ENTPD4: variants seen among roughly 807,000 people sequenced by gnomAD.
ENTPD4 encodes ectonucleoside triphosphate diphosphohydrolase 4.
Under a neutral mutation model 79.1 loss-of-function variants are expected in ENTPD4, and 60 were observed. The observed-to-expected ratio is 0.76, with a 90% confidence interval of 0.62 to 0.94. The LOEUF is 0.94. ENTPD4 is among the 40% of genes least tolerant of loss of function. The pLI, the probability that ENTPD4 is intolerant of heterozygous loss-of-function variation, is 0.00. For synonymous variants in ENTPD4, 276 were observed against 292.0 expected (o/e 0.95, Z 0.56); for missense variants, 772 against 775.1 (o/e 1.00, Z 0.05).
intron 1 of ENTPD4, among the ~76,000 whole-genome samples, chr8:23,457,041 G>A (rs1484509080): frequency 1.3e-5 from 2 of 152,190 alleles, no homozygotes; most frequent in Non-Finnish European, 2.9e-5. Flanking sequence ...AAAGGGGTCC[G>A]CGCATTACTC....
At chr8:23,438,259 G>A (rs1446640808) in intron 9 of ENTPD4, among the ~76,000 whole-genome samples, 1 of 152,136 alleles carries the variant, frequency 6.6e-6, no homozygotes, top group East Asian at 1.9e-4. Flanking sequence ...ACTGTTAAAG[G>A]GTTAAGCATG....
intron 3 of ENTPD4, 76 bp downstream of exon 3, chr8:23,448,666 C>T: frequency 8.2e-7 from 1 of 1,223,902 alleles, no homozygotes; most frequent in Non-Finnish European, 1.2e-6. Flanking sequence ...CTATGGAATT[C>T]TGTTCCAGCA....
At position 23,437,113 on chromosome 8, in the gene ENTPD4, T is replaced by C. The variant is rs773166801; in HGVS notation, c.1195A>G (p.Ile399Val). Residue 399 changes from isoleucine to valine, a missense_variant, in exon 10 of 13, where the codon ATC becomes GTC. Coordinates refer to ENST00000358689, the MANE Select transcript of ENTPD4 (RefSeq NM_004901.5). ...TTTGTTTTATTCATGAAAGGCTGGA[T>C]AGTCTCTCGACACAGGTCAAAGTCT... is the stretch of plus-strand genomic sequence containing the variant. ...TGDFDLCRET[I>V]QPFMNKTNET... 1.2e-6 allele frequency: 2 copies of C among 1,614,220 alleles called. No homozygotes were observed. Among genetic ancestry groups the C allele is most frequent in the African/African-American group, 1.3e-5 (1 of 75,060 alleles).
rs368799155 is a variant in ENTPD4, at chr8:23,447,710, G to C, written c.382C>G (p.Arg128Gly). The change falls in exon 4 of 13, where the codon CGA becomes GGA. Residue 128 changes from arginine (R) to glycine (G), a missense_variant. Coordinates refer to ENST00000358689, the MANE Select transcript of ENTPD4 (RefSeq NM_004901.5). ...LDIRQMRDKN[R>G]KPVVMKIKPG... Reference sequence around the variant, plus strand: ...TTTATCTTCATGACCACTGGCTTTCGGTTTTTATCCCTCATTTGCCTGATA... The same window carrying C: ...TTTATCTTCATGACCACTGGCTTTCCGTTTTTATCCCTCATTTGCCTGATA... 6 of 1,613,990 alleles carry C rather than the reference G, an allele frequency of 3.7e-6. No homozygotes were observed. The Admixed American group carries it at 1.0e-4, about 27-fold the overall frequency.
intron 3 of ENTPD4, 61 bp from the exon 4 acceptor site, chr8:23,447,946 G>A: frequency 1.4e-6 from 2 of 1,398,934 alleles, no homozygotes. Flanking sequence ...AAGTCTAACA[G>A]AGAAAATGCA....
In ENTPD4 at chr8:23,437,220, G is replaced by T. The variant is rs372875344; in HGVS notation, c.1088C>A (p.Pro363Gln). Reference protein sequence around the residue: ...GKQTGLTPDMPYLDPCLPLDI... With the variant: ...GKQTGLTPDMQYLDPCLPLDI... ...TAGGGGTAGGCAGGGGTCCAAGTAC[G>T]GCATATCAGGAGTCAGACCAGTCTG... The change falls in exon 10 of 13, where the codon CCG becomes CAG. Residue 363 changes from proline to glutamine, a missense_variant. Physicochemically the swap from Pro to Gln is moderately conservative, Grantham distance 76. Transcript: ENST00000358689. The T allele has an allele frequency of 1.5e-5, 24 of 1,613,460 alleles. No individual in the cohort carries two copies. The highest frequency in any genetic ancestry group is 1.9e-5 in the Non-Finnish European group (23 of 1,179,720).
At chr8:23,435,896 A>C (rs1387035800) in intron 10 of ENTPD4, among the ~76,000 whole-genome samples, 1 of 152,266 alleles carries the variant, frequency 6.6e-6, no homozygotes, top group Non-Finnish European at 1.5e-5. Flanking sequence ...CTTTAACAGA[A>C]GGGAAAGAGA....
chr8:23,436,845 C>T (rs2117279629), intron 10 of ENTPD4, 89 bp downstream of exon 10: 1 of 1,043,388 alleles, frequency 9.6e-7, no homozygotes, highest in Non-Finnish European at 1.4e-6. Flanking sequence ...TCCGTCTTTC[C>T]CTGTCAATGT....
In ENTPD4 at chr8:23,429,313, T is replaced by G. The variant is rs554346795; in HGVS notation, c.*3613A>C. On this transcript the variant is annotated 3_prime_UTR_variant, in exon 13 of 13. Transcript: ENST00000358689. Reference sequence around the variant, plus strand: ...AAGACATCGCTTAAACAAAAAACATTTAAAGATGCTCCCTTGCTTTTTATA... The same window carrying G: ...AAGACATCGCTTAAACAAAAAACATGTAAAGATGCTCCCTTGCTTTTTATA... 3.0e-6 allele frequency: 3 copies of G among 985,342 alleles called. No homozygotes were observed. In the South Asian group the frequency reaches 1.4e-4, roughly 46 times the overall value. 61.0% of individuals were successfully genotyped at this position (985,342 alleles called of 1,614,324 possible).
rs1233232490 is a variant in ENTPD4, at chr8:23,444,565, A to G, written c.454T>C (p.Tyr152His). Reference sequence around the variant, plus strand: ...GCAAAGTTCAAAAGTGGAGAAATGTAATCACTGACTTTCTCTGGAGAGGTA... The same window carrying G: ...GCAAAGTTCAAAAGTGGAGAAATGTGATCACTGACTTTCTCTGGAGAGGTA... Reference protein sequence around the residue: ...FATSPEKVSDYISPLLNFAAE... With the variant: ...FATSPEKVSDHISPLLNFAAE... The change falls in exon 5 of 13, where the codon TAC becomes CAC. Residue 152 changes from tyrosine (Y) to histidine (H), a missense_variant. Coordinates refer to ENST00000358689, the MANE Select transcript of ENTPD4 (RefSeq NM_004901.5). The G allele has an allele frequency of 2.5e-6, 4 of 1,614,042 alleles. No homozygotes were observed. Among genetic ancestry groups the G allele is most frequent in the Non-Finnish European group, 3.4e-6 (4 of 1,179,990 alleles).
chr8:23,451,271 C>T (rs1292029306), intron 1 of ENTPD4, among the ~76,000 whole-genome samples: 1 of 152,180 alleles, frequency 6.6e-6, no homozygotes, highest in East Asian at 1.9e-4. Context: ...CTGCCGGCCT[C>T]AGCCTCCCAA....
At chr8:23,434,028 A>C in intron 12 of ENTPD4, 1 of 383,026 alleles carries the variant, frequency 2.6e-6, no homozygotes, top group African/African-American at 2.0e-5. Context: ...AAAGGTTAAG[A>C]ACCCCGGAAC....
Position 23,431,056 on chromosome 8 carries a change from AG to A in ENTPD4, c.*1869del. 1 of 849,188 alleles carries A rather than the reference AG, an allele frequency of 1.2e-6. No individual in the cohort carries two copies. The highest frequency in any genetic ancestry group is 1.4e-6 in the Non-Finnish European group (1 of 705,668). The allele number at this position is 849,188 out of a possible 1,614,324, so 52.6% of individuals were successfully genotyped here. On this transcript the variant is annotated 3_prime_UTR_variant, in exon 13 of 13. Coordinates refer to ENST00000358689, the MANE Select transcript of ENTPD4 (RefSeq NM_004901.5). The stretch of plus-strand genomic sequence containing the variant: ...CCATGCCCCCACAGCTCTTGCCTCA[AG>A]GATCAGATGCATTTTACCTTCCAGA...
rs751602954 is a variant in ENTPD4, at chr8:23,443,881, A to G, written c.636T>C (p.Ser212=). ...PVHFDFLFSD[S]HAEVISGKQE... is the part of the protein sequence containing the mutation. ...GTTTCCCAGAAATTACTTCTGCATG[A>G]GAGTCAGAAAACAGAAAGTCAAAGT... Residue 212 remains serine, a synonymous_variant, in exon 6 of 13, where the codon TCT becomes TCC. Transcript: ENST00000358689. The G allele has an allele frequency of 3.7e-6, 6 of 1,613,234 alleles. No individual in the cohort carries two copies. Among genetic ancestry groups the G allele is most frequent in the Middle Eastern group, 1.6e-4 (1 of 6,080 alleles).
chr8:23,445,886 A>C (rs1380706940), intron 4 of ENTPD4, among the ~76,000 whole-genome samples: 1 of 152,248 alleles, frequency 6.6e-6, no homozygotes, highest in Non-Finnish European at 1.5e-5. Context: ...TTTAGCCTAC[A>C]ATATTAAAAA....
At chr8:23,447,559 A>G in intron 4 of ENTPD4, 121 bp downstream of exon 4, 1 of 782,710 alleles carries the variant, frequency 1.3e-6, no homozygotes, top group Non-Finnish European at 2.2e-6. Context: ...AAGGAGACCC[A>G]TCAGGTCCTG....
In ENTPD4 at chr8:23,434,332, C is replaced by T. The variant is rs1455876569; in HGVS notation, c.1607G>A (p.Arg536His). 10 of 1,614,046 alleles carry T rather than the reference C, an allele frequency of 6.2e-6. No individual in the cohort carries two copies. The highest frequency in any genetic ancestry group is 1.7e-5 in the Admixed American group (1 of 60,008). The change falls in exon 12 of 13, where the codon CGC becomes CAC. Residue 536 changes from arginine to histidine, a missense_variant. Coordinates refer to ENST00000358689, the MANE Select transcript of ENTPD4 (RefSeq NM_004901.5). The part of the protein sequence containing the change: ...WTLGAILYRT[R>H]FLPLRDIQQE... ...ACAGCCCTACCTTAATGGTAGAAAG[C>T]GGGTCCTGTAGAGGATGGCTCCAAG...
intron 4 of ENTPD4, among the ~76,000 whole-genome samples, chr8:23,447,400 A>G (rs1800780368): frequency 6.6e-6 from 1 of 152,236 alleles, no homozygotes; most frequent in African/African-American, 2.4e-5. Context: ...TCCATAATTA[A>G]TGCCAACCAG....
At position 23,443,945 on chromosome 8, in the gene ENTPD4, T is replaced by C. The variant is rs1800717683; in HGVS notation, c.572A>G (p.Lys191Arg). 6.2e-7 allele frequency: 1 copy of C among 1,608,228 alleles called. No individual in the cohort carries two copies. The change falls in exon 6 of 13, where the codon AAA becomes AGA. Residue 191 changes from lysine to arginine, a missense_variant. Physicochemically the swap from Lys to Arg is conservative, Grantham distance 26. Coordinates refer to ENST00000358689, the MANE Select transcript of ENTPD4 (RefSeq NM_004901.5). ...GMRILPESQQKAILEDLLTDI... is the reference protein window; with the variant it reads ...GMRILPESQQRAILEDLLTDI... Reference sequence around the variant, plus strand: ...GGTCAGAAGGTCTTCCAGAATAGCTTTCTGCTGGCTGTAAAGTAATAAAAA... The same window carrying C: ...GGTCAGAAGGTCTTCCAGAATAGCTCTCTGCTGGCTGTAAAGTAATAAAAA...
Sources: gnomAD v4.1 joint callset for allele counts (sites outside exome capture counted in the v4.1 genomes callset) on GRCh38, gnomAD v4.1.1 for gene constraint, MANE v1.5 for transcripts, NCBI Gene and HGNC (gene_info 2026-07-23, HGNC 2026-07-21) for gene names.